Variants in KIAA1958 observed in about 807,000 individuals in gnomAD.
KIAA1958 encodes the protein KIAA1958, also known as uncharacterized protein KIAA1958.
Under a neutral mutation model 47.2 loss-of-function variants are expected in KIAA1958, and 14 were observed. That is an observed-to-expected ratio of 0.30 (90% CI 0.20 to 0.46). KIAA1958 has a LOEUF of 0.46. Among genes scored for constraint, KIAA1958 ranks in the 20% least tolerant of loss-of-function variants. KIAA1958 has a pLI of 1.00. For synonymous variants in KIAA1958, 354 were observed against 353.3 expected (o/e 1.00, Z -0.02); for missense variants, 803 against 909.2 (o/e 0.88, Z 1.50).
intron 1 of KIAA1958, among the ~76,000 whole-genome samples, chr9:112,558,500 A>G (rs1456569690): frequency 6.6e-6 from 1 of 152,148 alleles, no homozygotes; most frequent in Non-Finnish European, 1.5e-5. Context: ...TGACCTCTCT[A>G]CTTCTTTGAA....
chr9:112,652,070 T>C (rs919118463), intron 3 of KIAA1958, among the ~76,000 whole-genome samples: 1 of 152,242 alleles, frequency 6.6e-6, no homozygotes, highest in East Asian at 1.9e-4. Flanking sequence ...CTCACTATGT[T>C]ACCCAGGCTG....
chr9:112,630,148 G>T (rs1836683993), intron 2 of KIAA1958, among the ~76,000 whole-genome samples: 1 of 152,172 alleles, frequency 6.6e-6, no homozygotes, highest in African/African-American at 2.4e-5. Flanking sequence ...AGATCATAGG[G>T]TAGCAACAAT....
At chr9:112,555,395 A>C (rs1431799966) in intron 1 of KIAA1958, among the ~76,000 whole-genome samples, 1 of 152,272 alleles carries the variant, frequency 6.6e-6, no homozygotes, top group Admixed American at 6.5e-5. Flanking sequence ...TGCACTATAC[A>C]GAGTGGGTGA....
intron 1 of KIAA1958, among the ~76,000 whole-genome samples, chr9:112,541,811 A>T (rs1834949651): frequency 6.6e-6 from 1 of 152,134 alleles, no homozygotes; most frequent in Non-Finnish European, 1.5e-5. Context: ...TCTCAAAAAA[A>T]AAAGAATAAA....
Position 112,659,820 on chromosome 9 carries a change from C to T in KIAA1958, c.1902C>T (p.Tyr634=). 6.2e-7 allele frequency: 1 copy of T among 1,614,162 alleles called. No individual in the cohort carries two copies. The highest frequency in any genetic ancestry group is 8.5e-7 in the Non-Finnish European group (1 of 1,180,022). ...AACAGTGCCCTTACTGCCTCCTCTA[C>T]AAGTACATGTACATCCACCGGCCGC... ...GHKQCPYCLL[Y]KYMYIHRPPT... Residue 634 remains tyrosine (Y), a synonymous_variant, in exon 4 of 4, where the codon TAC becomes TAT. Transcript: ENST00000337530.
intron 2 of KIAA1958, among the ~76,000 whole-genome samples, chr9:112,578,624 C>T (rs1438915353): frequency 2.6e-5 from 4 of 152,104 alleles, no homozygotes; most frequent in Admixed American, 1.3e-4. Context: ...TACTTCTGTT[C>T]AGAGCTGAAC....
rs998173155 is a variant in KIAA1958 at position 112,536,815 on chromosome 9, A to G, written c.-24-37242A>G. On this transcript the variant is annotated intron_variant, in intron 1 of 3. Transcript: ENST00000337530. ...AACAGAACAAAAAACCCAATCTTGTATCATACACTAAAATAAATTCCAAGT... is the reference window on the plus strand; with the variant it reads ...AACAGAACAAAAAACCCAATCTTGTGTCATACACTAAAATAAATTCCAAGT... Among the ~76,000 whole-genome samples the G allele has an allele frequency of 4.6e-5, 7 of 152,150 alleles. No homozygotes were observed. In the South Asian group the frequency reaches 6.2e-4, roughly 14 times the overall value.
chr9:112,506,302 A>G (rs1030924683), intron 1 of KIAA1958, among the ~76,000 whole-genome samples: 11 of 152,086 alleles, frequency 7.2e-5, no homozygotes, highest in Non-Finnish European at 1.2e-4. Context: ...TAAAAATACA[A>G]AAAATTAGCT....
intron 1 of KIAA1958, among the ~76,000 whole-genome samples, chr9:112,527,507 G>A (rs1834678771): frequency 6.6e-6 from 1 of 152,212 alleles, no homozygotes; most frequent in African/African-American, 2.4e-5. Flanking sequence ...ACACTAAGGA[G>A]TGTAGCTTTG....
rs1836850717 is a variant in KIAA1958 at position 112,638,840 on chromosome 9, AT to A, written c.1172-6808del. Among the ~76,000 whole-genome samples, 4 of 151,982 alleles carry A rather than the reference AT, an allele frequency of 2.6e-5. 1 individual carries two copies. In the South Asian group the frequency reaches 8.3e-4, roughly 32 times the overall value. Reference sequence around the variant, plus strand: ...CTCTGCCTCAATTTGATTGTTTTCTATTGACCTTTCAGTTCACAAATCATCT... The same window carrying A: ...CTCTGCCTCAATTTGATTGTTTTCTATGACCTTTCAGTTCACAAATCATCT... On this transcript the variant is annotated intron_variant, in intron 2 of 3. Coordinates refer to ENST00000337530, the MANE Select transcript of KIAA1958 (RefSeq NM_133465.4).
At chr9:112,621,314 T>C (rs925110262) in intron 2 of KIAA1958, among the ~76,000 whole-genome samples, 1 of 152,192 alleles carries the variant, frequency 6.6e-6, no homozygotes, top group African/African-American at 2.4e-5. Context: ...CCTTACGGCA[T>C]CAGACAGCCT....
rs1437622579 is a variant in KIAA1958, at chr9:112,662,463, C to CACACACACACAT, written c.*2398_*2399insACACACATACAC. ...ACATATACATAAGTGTTTACACACA[C>CACACACACACAT]ACACGCACAATATGTGGTTAAGCCT... On this transcript the variant is annotated 3_prime_UTR_variant, in exon 4 of 4. Transcript: ENST00000337530. 5 of 151,482 alleles carry CACACACACACAT rather than the reference C, an allele frequency of 3.3e-5. 1 individual carries two copies. Among genetic ancestry groups the CACACACACACAT allele is most frequent in the Admixed American group, 1.3e-4 (2 of 15,262 alleles). The allele number at this position is 151,482 out of a possible 1,614,324, so 9.4% of individuals were successfully genotyped here.
chr9:112,618,364 G>T lies in KIAA1958; in HGVS notation c.1172-27286G>T, dbSNP rs1276106754. The T allele has an allele frequency of 6.4e-7, 1 of 1,551,270 alleles. No homozygotes were observed. The highest frequency in any genetic ancestry group is 8.7e-7 in the Non-Finnish European group (1 of 1,147,138). ...GGCTCAACAACACAAAAGCTTTTGG[G>T]CATTGCACAGGCTTCCATGGATCTA... On this transcript the variant is annotated intron_variant, in intron 2 of 3. Coordinates refer to ENST00000337530, the MANE Select transcript of KIAA1958 (RefSeq NM_133465.4). This position sits in a 1 kb window ranked among gnomAD's most constrained non-coding sequence, Gnocchi z 7.1.
chr9:112,488,101 T>C (rs183404667), intron 1 of KIAA1958, among the ~76,000 whole-genome samples: 5 of 152,304 alleles, frequency 3.3e-5, no homozygotes, highest in Non-Finnish European at 4.4e-5. Flanking sequence ...TGGTGGAGGT[T>C]AAATTGGAGT....
intron 3 of KIAA1958, among the ~76,000 whole-genome samples, chr9:112,654,693 CAAAAAAAA>C (rs35961310): frequency 5.4e-5 from 6 of 111,806 alleles, no homozygotes; most frequent in African/African-American, 1.8e-4. Flanking sequence ...CATAAAAATC[CAAAAAAAA>C]AAAAAAAAAA....
chr9:112,531,762 A>G (rs900648028), intron 1 of KIAA1958, among the ~76,000 whole-genome samples: 1 of 152,184 alleles, frequency 6.6e-6, no homozygotes. Context: ...TTGTTCATGT[A>G]TCTTATTTCG....
intron 1 of KIAA1958, among the ~76,000 whole-genome samples, chr9:112,529,401 G>T (rs928453159): frequency 6.6e-6 from 1 of 152,056 alleles, no homozygotes; most frequent in Non-Finnish European, 1.5e-5. Flanking sequence ...TTTATTTAGG[G>T]TCCTTTTTCT....
chr9:112,606,791 A>G (rs1256786774), intron 2 of KIAA1958, among the ~76,000 whole-genome samples: 1 of 152,198 alleles, frequency 6.6e-6, no homozygotes, highest in Non-Finnish European at 1.5e-5. Context: ...TTGTGATTAG[A>G]AAGCTTTCAA....
intron 1 of KIAA1958, among the ~76,000 whole-genome samples, chr9:112,550,213 A>C (rs1000282734): frequency 2.1e-4 from 32 of 150,860 alleles, no homozygotes; most frequent in Non-Finnish European, 5.9e-5. Flanking sequence ...TCTGTTGATA[A>C]GTAACTAGTA....
Sources: gnomAD v4.1 joint callset for allele counts (sites outside exome capture counted in the v4.1 genomes callset) on GRCh38, gnomAD v4.1.1 for gene constraint, Gnocchi (gnomAD v3.1) non-coding constraint, MANE v1.5 for transcripts, NCBI Gene and HGNC (gene_info 2026-07-23, HGNC 2026-07-21) for gene names.